DNAH7: variants seen among roughly 807,000 people sequenced by gnomAD.
DNAH7 encodes the protein axonemal beta dynein heavy chain 7.
In DNAH7, 397 loss-of-function variants were observed where a neutral mutation model predicts 444.6. The observed-to-expected ratio is 0.89, with a 90% confidence interval of 0.82 to 0.97. DNAH7 has a LOEUF of 0.97. Among genes scored for constraint, DNAH7 ranks in the 50% least tolerant of loss-of-function variants. The pLI, the probability that DNAH7 is intolerant of heterozygous loss-of-function variation, is 0.00. For synonymous variants in DNAH7, 1,636 were observed against 1,624.4 expected, an observed-to-expected ratio of 1.01 and a Z score of -0.17; for missense variants, 4,902 against 4,800.8, an observed-to-expected ratio of 1.02 and a Z score of -0.62.
At chr2:195,997,743 T>A (rs1256876579) in intron 12 of DNAH7, among the ~76,000 whole-genome samples, 1 of 152,190 alleles carries the variant, frequency 6.6e-6, no homozygotes, top group East Asian at 1.9e-4. Context: ...AACAGCTATA[T>A]AAATTCCATT....
intron 47 of DNAH7, among the ~76,000 whole-genome samples, chr2:195,839,448 T>A (rs1379726770): frequency 6.6e-6 from 1 of 151,636 alleles, no homozygotes; most frequent in Non-Finnish European, 1.5e-5. Flanking sequence ...CCTTCCACCT[T>A]AGGAAACCAG....
intron 2 of DNAH7, among the ~76,000 whole-genome samples, chr2:196,055,718 G>T (rs1216985461): frequency 1.3e-5 from 2 of 152,334 alleles, no homozygotes; most frequent in Admixed American, 6.5e-5. Context: ...TCTAGTCCAA[G>T]TGCCCTGGAA....
intron 5 of DNAH7, among the ~76,000 whole-genome samples, chr2:196,031,745 T>TC: frequency 6.6e-6 from 1 of 152,300 alleles, no homozygotes; most frequent in African/African-American, 2.4e-5. Flanking sequence ...CCCAACAAGT[T>TC]CCTCATCTCC....
Position 195,858,717 on chromosome 2 carries a change from C to T in DNAH7, c.7824G>A (p.Glu2608=), listed in dbSNP as rs758648350. Residue 2608 remains glutamate, a synonymous_variant, in exon 43 of 65, where the codon GAG becomes GAA. Transcript: ENST00000312428. The stretch of plus-strand genomic sequence containing the variant: ...TTAATTGAGGATGTAGTGCCTCCAA[C>T]TCCATCTGCATTGTGGCTACTTGAG... The part of the protein sequence containing the change: ...ASSQVATMQM[E]LEALHPQLKV... The T allele has an allele frequency of 2.8e-5, 45 of 1,613,962 alleles. No homozygotes were observed. The highest frequency in any genetic ancestry group is 3.3e-4 in the Middle Eastern group (2 of 6,084).
chr2:196,025,681 C>T (rs1043442217), intron 7 of DNAH7, among the ~76,000 whole-genome samples: 1 of 152,158 alleles, frequency 6.6e-6, no homozygotes, highest in Non-Finnish European at 1.5e-5. Flanking sequence ...TGTTTCTTTC[C>T]TCTTTGGACT....
intron 63 of DNAH7, among the ~76,000 whole-genome samples, chr2:195,749,437 T>A (rs961618577): frequency 1.3e-5 from 2 of 152,022 alleles, no homozygotes; most frequent in Admixed American, 1.3e-4. Flanking sequence ...TTCCTCAGGG[T>A]TCTAGAACTA....
At chr2:195,836,067 T>C (rs1698357328) in intron 47 of DNAH7, among the ~76,000 whole-genome samples, 2 of 152,120 alleles carry the variant, frequency 1.3e-5, no homozygotes, top group Admixed American at 1.3e-4. Context: ...GCCTCTCTCC[T>C]TGACTTGCAG....
At chr2:195,913,465 A>G (rs571431464) in intron 24 of DNAH7, among the ~76,000 whole-genome samples, 2 of 152,364 alleles carry the variant, frequency 1.3e-5, no homozygotes, top group Admixed American at 1.3e-4. Flanking sequence ...AATAAAAGAT[A>G]GGACATGAGA....
At chr2:196,053,695 A>C (rs1697629248) in intron 2 of DNAH7, among the ~76,000 whole-genome samples, 1 of 152,144 alleles carries the variant, frequency 6.6e-6, no homozygotes, top group Non-Finnish European at 1.5e-5. Flanking sequence ...CTGTTCAGAA[A>C]CATTTTAAAG....
intron 19 of DNAH7, among the ~76,000 whole-genome samples, 194 bp from the exon 20 acceptor site, chr2:195,936,986 T>C (rs750321907): frequency 2.8e-4 from 42 of 152,248 alleles, no homozygotes; most frequent in Non-Finnish European, 4.9e-4. Context: ...AAAAGTCACA[T>C]TGATTTAATC....
intron 63 of DNAH7, among the ~76,000 whole-genome samples, chr2:195,741,778 G>A (rs1401391955): frequency 1.3e-5 from 2 of 152,204 alleles, no homozygotes; most frequent in Non-Finnish European, 1.5e-5. Flanking sequence ...ATCTACTTGA[G>A]CAGTGCTGTC....
chr2:195,823,969 G>A (rs1016528911), intron 49 of DNAH7, among the ~76,000 whole-genome samples: 2 of 152,158 alleles, frequency 1.3e-5, no homozygotes, highest in African/African-American at 4.8e-5. Context: ...AAGAAAGAAT[G>A]TGGGCATATA....
intron 18 of DNAH7, among the ~76,000 whole-genome samples, chr2:195,959,324 GTTC>G (rs1184805357): frequency 1.3e-5 from 2 of 152,084 alleles, no homozygotes; most frequent in African/African-American, 2.4e-5. Context: ...TTCTTCTGTT[GTTC>G]TTCTTCCCTC....
chr2:195,771,844 T>C lies in DNAH7; in HGVS notation c.11249A>G (p.Asn3750Ser), dbSNP rs751856448. The change falls in exon 61 of 65, where the codon AAT becomes AGT. Residue 3750 changes from asparagine (N) to serine (S), a missense_variant. By Grantham distance (46) the Asn-to-Ser change is conservative. Transcript: ENST00000312428. ...AGAKSSDEVV[N>S]EVASDILGKL... ...GCCCAAGATGTCACTAGCGACCTCA[T>C]TCACTACTTCATCTGATGATTTTGC... 2 of 1,614,192 alleles carry C rather than the reference T, an allele frequency of 1.2e-6. No homozygotes were observed. Among genetic ancestry groups the C allele is most frequent in the Non-Finnish European group, 1.7e-6 (2 of 1,180,026 alleles).
chr2:196,000,136 T>C (rs1317424558), intron 12 of DNAH7, among the ~76,000 whole-genome samples: 1 of 152,176 alleles, frequency 6.6e-6, no homozygotes, highest in Non-Finnish European at 1.5e-5. Flanking sequence ...CAAATATGTA[T>C]AAGTTATTTT....
At chr2:195,787,235 A>G in intron 57 of DNAH7, 64 bp from the exon 58 acceptor site, 16 of 1,495,674 alleles carry the variant, frequency 1.1e-5, no homozygotes, top group Non-Finnish European at 1.1e-5. Context: ...TATTTACCAT[A>G]TTTTAAAATG....
chr2:196,046,486 G>C (rs1697135461), intron 5 of DNAH7, among the ~76,000 whole-genome samples: 1 of 152,072 alleles, frequency 6.6e-6, no homozygotes, highest in Non-Finnish European at 1.5e-5. Context: ...CATTGATTTG[G>C]GTGTTGATCA....
intron 22 of DNAH7, among the ~76,000 whole-genome samples, chr2:195,924,395 C>A (rs765174251): frequency 3.3e-5 from 5 of 152,084 alleles, no homozygotes; most frequent in South Asian, 2.1e-4. Flanking sequence ...AGTTTTGAGA[C>A]CAGCCTGACC....
chr2:195,902,918 T>C (rs1052138895), intron 27 of DNAH7: 10 of 152,130 alleles, frequency 6.6e-5, no homozygotes, highest in African/African-American at 2.4e-4. Flanking sequence ...CCAGAAATAA[T>C]TTGTTGGTAA....
Sources: allele counts gnomAD v4.1 joint callset (sites outside exome capture counted in the v4.1 genomes callset), GRCh38; gene constraint gnomAD v4.1.1; transcripts MANE v1.5; gene names NCBI Gene and HGNC (gene_info 2026-07-23, HGNC 2026-07-21).